The following ANKRD42 variants were observed in gnomAD, a reference collection of about 807,000 sequenced individuals.
ANKRD42 encodes ankyrin repeat domain 42, also known as ankyrin repeat domain-containing protein 42.
Under a neutral mutation model 51.5 loss-of-function variants are expected in ANKRD42, and 43 were observed. That is an observed-to-expected ratio of 0.83 (90% CI 0.65 to 1.08). ANKRD42 has a LOEUF of 1.08. ANKRD42 is among the 50% of genes least tolerant of loss of function. ANKRD42 has a pLI of 0.00. For synonymous variants in ANKRD42, 203 were observed against 213.0 expected, an observed-to-expected ratio of 0.95 and a Z score of 0.41; for missense variants, 608 against 629.3, an observed-to-expected ratio of 0.97 and a Z score of 0.36.
At chr11:83,260,858 A>ATGAG (rs1212255679), downstream of ANKRD42, 2 of 152,180 alleles carry the variant, frequency 1.3e-5, no homozygotes, top group Non-Finnish European at 2.9e-5. Context: ...AAATTTTCCT[A>ATGAG]TGAGTTTCTT....
At chr11:83,245,685 G>T (rs1215175423) in intron 10 of ANKRD42, 61 bp downstream of exon 10, 7 of 1,462,644 alleles carry the variant, frequency 4.8e-6, no homozygotes, top group Admixed American at 2.3e-5. Flanking sequence ...CCATGTGAGG[G>T]TTTGTTGATC....
rs886830142 is a variant in ANKRD42, at chr11:83,209,951, A to C, written c.331-349A>C. 1.9e-5 allele frequency: 7 copies of C among 371,284 alleles called. No homozygotes were observed. The Admixed American group carries it at 2.2e-4, about 12-fold the overall frequency. 23.0% of individuals were successfully genotyped at this position (371,284 alleles called of 1,614,324 possible). On this transcript the variant is annotated intron_variant, in intron 3 of 10. Coordinates refer to ENST00000533342, the MANE Select transcript of ANKRD42 (RefSeq NM_001300975.2). ...CTGAGTTTGAGACTGTGGCTGTTACAGGGATCATGTAAACTTGCTGTTTTT... is the reference window on the plus strand; with the variant it reads ...CTGAGTTTGAGACTGTGGCTGTTACCGGGATCATGTAAACTTGCTGTTTTT...
Position 83,248,099 on chromosome 11 carries a change from T to A in ANKRD42, c.1479T>A (p.Leu493=). The change falls in exon 11 of 11, where the codon CTT becomes CTA. Residue 493 remains leucine, a synonymous_variant. Transcript: ENST00000533342. ...VPNFVAMVGV[L]FNTFIFLKKY... ...ACTTTGTGGCTATGGTTGGTGTCCT[T>A]TTTAATACATTTATTTTTCTCAAGA... 6.4e-7 allele frequency: 1 copy of A among 1,554,912 alleles called. No homozygotes were observed. Among genetic ancestry groups the A allele is most frequent in the Non-Finnish European group, 8.7e-7 (1 of 1,150,076 alleles).
downstream of ANKRD42, chr11:83,261,888 C>T (rs767392092): frequency 4.5e-6 from 7 of 1,572,736 alleles, no homozygotes; most frequent in South Asian, 8.2e-5. Flanking sequence ...AAGCCAACAG[C>T]CACAGCAGGA....
In ANKRD42 at chr11:83,211,292, T is replaced by C. The variant is rs1862306304; in HGVS notation, c.451-3T>C. 3 of 1,614,124 alleles carry C rather than the reference T, an allele frequency of 1.9e-6. No homozygotes were observed. Among genetic ancestry groups the C allele is most frequent in the African/African-American group, 2.7e-5 (2 of 75,052 alleles). On this transcript the variant is annotated splice_region_variant and splice_polypyrimidine_tract_variant and intron_variant, in intron 4 of 10. Coordinates refer to ENST00000533342, the MANE Select transcript of ANKRD42 (RefSeq NM_001300975.2). ...ACTAAGTCCTTGTGAATGTTACCTC[T>C]AGGATCCCAGTGTGACTGATAAGAG... is the stretch of plus-strand genomic sequence containing the variant.
downstream of ANKRD42, among the ~76,000 whole-genome samples, chr11:83,253,630 A>T (rs1002778916): frequency 4.6e-5 from 7 of 152,212 alleles, no homozygotes; most frequent in African/African-American, 1.7e-4. Flanking sequence ...ATTATGATTC[A>T]TGTATTTAGT....
chr11:83,212,265 A>G lies in ANKRD42; in HGVS notation c.586+835A>G, dbSNP rs368915729. On this transcript the variant is annotated intron_variant, in intron 5 of 10. Coordinates refer to ENST00000533342, the MANE Select transcript of ANKRD42 (RefSeq NM_001300975.2). Reference sequence around the variant, plus strand: ...CCTGGCTACTTTTTGTATTTTTAGTAGAGATGGAGTTTCACCATGTTGGCT... The same window carrying G: ...CCTGGCTACTTTTTGTATTTTTAGTGGAGATGGAGTTTCACCATGTTGGCT... 5.0e-4 allele frequency among the ~76,000 whole-genome samples: 76 copies of G among 152,126 alleles called. 2 individuals are homozygous for G. The highest frequency in any genetic ancestry group is 1.7e-3 in the African/African-American group (70 of 41,498).
chr11:83,207,625 G>A (rs1409048558), intron 3 of ANKRD42, among the ~76,000 whole-genome samples: 1 of 152,178 alleles, frequency 6.6e-6, no homozygotes, highest in Non-Finnish European at 1.5e-5. Flanking sequence ...GATTTATTGT[G>A]TGTTAGTCTC....
intron 5 of ANKRD42, chr11:83,213,612 C>T: frequency 9.5e-7 from 1 of 1,057,768 alleles, no homozygotes; most frequent in Non-Finnish European, 1.2e-6. Flanking sequence ...TTCAAATTTA[C>T]ATTTTTCCTG....
intron 7 of ANKRD42, among the ~76,000 whole-genome samples, chr11:83,233,173 A>G (rs899850437): frequency 6.7e-6 from 1 of 149,676 alleles, no homozygotes; most frequent in Admixed American, 6.6e-5. Context: ...TCTTCTTTAA[A>G]TGTTTGATAG....
intron 6 of ANKRD42, 43 bp from the exon 7 acceptor site, chr11:83,227,704 A>G: frequency 6.4e-7 from 1 of 1,571,118 alleles, no homozygotes; most frequent in Non-Finnish European, 8.6e-7. Flanking sequence ...GGAAAAGAAT[A>G]AACTCTTATG....
intron 2 of ANKRD42, among the ~76,000 whole-genome samples, chr11:83,201,760 G>A (rs149496405): frequency 0.021 from 3,207 of 152,198 alleles, 118 homozygotes; most frequent in African/African-American, 0.07. Context: ...CCAGTGATGA[G>A]CTTTTTTTCA....
intron 8 of ANKRD42, among the ~76,000 whole-genome samples, chr11:83,239,652 T>C (rs1373437013): frequency 2.1e-5 from 2 of 93,206 alleles, no homozygotes; most frequent in Non-Finnish European, 4.3e-5. Context: ...CTATCCTTTC[T>C]CCACTGCCTT....
Position 83,245,622 on chromosome 11 carries a change from A to C in ANKRD42, c.1320A>C (p.Glu440Asp), listed in dbSNP as rs553106874. The change falls in exon 10 of 11, where the codon GAA (glutamate) becomes GAC (aspartate). Residue 440 changes from glutamate to aspartate, a missense_variant and splice_region_variant. Transcript: ENST00000533342. ...AGAAGAAAGAACAGCTTGAGTCTGAAAAGTAATGTCCTTAAAACTTTAATG... is the reference window on the plus strand; with the variant it reads ...AGAAGAAAGAACAGCTTGAGTCTGACAAGTAATGTCCTTAAAACTTTAATG... The part of the protein sequence containing the change: ...LKQKKEQLES[E>D]KTIKELQGQL... 1.3e-6 allele frequency: 2 copies of C among 1,535,198 alleles called. No individual in the cohort carries two copies. Among genetic ancestry groups the C allele is most frequent in the African/African-American group, 2.7e-5 (2 of 72,928 alleles).
chr11:83,253,763 A>T (rs191717262), downstream of ANKRD42, among the ~76,000 whole-genome samples: 14 of 152,270 alleles, frequency 9.2e-5, no homozygotes, highest in African/African-American at 3.4e-4. Context: ...CCAAATGCAG[A>T]AACTTTTAGA....
chr11:83,245,566 T>C lies in ANKRD42; in HGVS notation c.1264T>C (p.Leu422=), dbSNP rs1276803027. 4.6e-6 allele frequency: 7 copies of C among 1,536,542 alleles called. No homozygotes were observed. Among genetic ancestry groups the C allele is most frequent in the East Asian group, 2.4e-5 (1 of 40,922 alleles). ...LEIAESNYKH[L]GGITEEDLKQ... ...AATTGCCGAGAGCAACTATAAACAC[T>C]TGGGAGGCATAACAGAAGAAGATTT... The change falls in exon 10 of 11, where the codon TTG becomes CTG. Residue 422 remains leucine, a synonymous_variant. Coordinates refer to ENST00000533342, the MANE Select transcript of ANKRD42 (RefSeq NM_001300975.2).
Position 83,194,123 on chromosome 11 carries a change from G to A in ANKRD42, c.-548G>A. On this transcript the variant is annotated 5_prime_UTR_variant, in exon 1 of 11. Transcript: ENST00000533342. Reference sequence around the variant, plus strand: ...CACAGTCACAGCTGCTCTTGGGAGAGAGTTAGGGGAGACAGCACCTTCTGC... The same window carrying A: ...CACAGTCACAGCTGCTCTTGGGAGAAAGTTAGGGGAGACAGCACCTTCTGC... The A allele has an allele frequency of 2.2e-6, 1 of 456,624 alleles. No individual in the cohort carries two copies. The highest frequency in any genetic ancestry group is 1.5e-5 in the South Asian group (1 of 64,572). The allele number at this position is 456,624 out of a possible 1,614,324, so 28.3% of individuals were successfully genotyped here. A position where few individuals can be genotyped will look rare whatever the true frequency, so the allele number is the denominator to read the frequency against.
intron 7 of ANKRD42, among the ~76,000 whole-genome samples, chr11:83,234,956 AT>A (rs995564247): frequency 2.2e-4 from 33 of 152,152 alleles, no homozygotes; most frequent in African/African-American, 7.2e-4. Flanking sequence ...GTCCCTTGAT[AT>A]TCCTCTGTGT....
chr11:83,253,068 C>T (rs1050869881), downstream of ANKRD42, among the ~76,000 whole-genome samples: 6 of 152,148 alleles, frequency 3.9e-5, no homozygotes, highest in African/African-American at 1.4e-4. Context: ...TTCCATGTTT[C>T]ACTTAACCTT....
Sources: gnomAD v4.1 joint callset for allele counts (sites outside exome capture counted in the v4.1 genomes callset) on GRCh38, gnomAD v4.1.1 for gene constraint, MANE v1.5 for transcripts, NCBI Gene and HGNC (gene_info 2026-07-23, HGNC 2026-07-21) for gene names.